ACAN: variants seen among roughly 807,000 people sequenced by gnomAD.
ACAN encodes aggrecan.
Under a neutral mutation model 169.1 loss-of-function variants are expected in ACAN, and 47 were observed. The observed-to-expected ratio is 0.28, with a 90% CI of 0.22 to 0.35. ACAN has a LOEUF of 0.35. ACAN is among the 10% of genes least tolerant of loss of function. The probability of loss-of-function intolerance (pLI) is 1.00; values close to 1 mark genes in which losing one functional copy is unlikely to be tolerated. For synonymous variants in ACAN, 1,115 were observed against 1,112.2 expected, an observed-to-expected ratio of 1.00 and a Z score of -0.05; for missense variants, 2,716 against 2,759.9, an observed-to-expected ratio of 0.98 and a Z score of 0.36.
intron 1 of ACAN, among the ~76,000 whole-genome samples, chr15:88,821,310 T>G (rs942858848): frequency 6.6e-6 from 1 of 151,960 alleles, no homozygotes; most frequent in African/African-American, 2.4e-5. Context: ...TGGTTAGTGT[T>G]GTAGAGACAG....
chr15:88,862,293 C>T (rs1302103156), intron 13 of ACAN, among the ~76,000 whole-genome samples: 1 of 151,248 alleles, frequency 6.6e-6, no homozygotes, highest in Admixed American at 6.6e-5. Context: ...TGAGATCTAC[C>T]CCCACAGATT....
At position 88,858,110 on chromosome 15, in the gene ACAN, C is replaced by T. The variant is rs763502181; in HGVS notation, c.5525C>T (p.Thr1842Ile). 18 of 1,613,722 alleles carry T rather than the reference C, an allele frequency of 1.1e-5. No individual in the cohort carries two copies. Among genetic ancestry groups the T allele is most frequent in the Non-Finnish European group, 1.4e-5 (17 of 1,179,898 alleles). The change falls in exon 12 of 19, where the codon ACT (threonine) becomes ATT (isoleucine). Residue 1842 changes from threonine to isoleucine, a missense_variant. This residue lies in a region of ACAN where 1,389 missense variants were observed against 1,363.7 expected (regional missense o/e 1.02). Transcript: ENST00000560601. This position sits in a 1 kb window ranked among gnomAD's most constrained non-coding sequence, Gnocchi z 4.0. ...ACCAGTTTGGTTGAAGTGGCCCCTACTACATTTAAAGAAGAAGAAGGCTTA... is the reference window on the plus strand; with the variant it reads ...ACCAGTTTGGTTGAAGTGGCCCCTATTACATTTAAAGAAGAAGAAGGCTTA... Reference protein sequence around the residue: ...VDTSLVEVAPTTFKEEEGLGS... With the variant: ...VDTSLVEVAPITFKEEEGLGS...
At chr15:88,834,537 G>A (rs191383149) in intron 1 of ACAN, among the ~76,000 whole-genome samples, 4 of 152,370 alleles carry the variant, frequency 2.6e-5, no homozygotes, top group Admixed American at 2.6e-4. Context: ...CTCTGATAGA[G>A]CAAAAGTCTG....
chr15:88,867,950 A>G (rs533357324), intron 13 of ACAN, among the ~76,000 whole-genome samples: 2 of 152,332 alleles, frequency 1.3e-5, no homozygotes, highest in African/African-American at 4.8e-5. Context: ...GATCTCTTCA[A>G]ACCACTGGGA....
chr15:88,849,922 T>A lies in ACAN; in HGVS notation c.2026+191T>A. On this transcript the variant is annotated intron_variant, in intron 10 of 18. Coordinates refer to ENST00000560601, the MANE Select transcript of ACAN (RefSeq NM_001369268.1). This position sits in a 1 kb window ranked among gnomAD's most constrained non-coding sequence, Gnocchi z 5.1. ...CCAAGGCAAGGTCATCCTTCTAAAG[T>A]TCCCCAGAGACAAGTAGAGATAAAT... 1.3e-6 allele frequency: 1 copy of A among 784,594 alleles called. No individual in the cohort carries two copies. The highest frequency in any genetic ancestry group is 2.2e-6 in the Non-Finnish European group (1 of 461,876). The allele number at this position is 784,594 out of a possible 1,614,324, so 48.6% of individuals were successfully genotyped here.
rs768248490 is a variant in ACAN, at chr15:88,843,348, T to C, written c.758-7T>C. The C allele has an allele frequency of 2.2e-5, 34 of 1,561,550 alleles. No individual in the cohort carries two copies. In the East Asian group the frequency reaches 7.0e-4, roughly 32 times the overall value. ...GACCCTTACCCAGCTGGCTGTGTCC[T>C]TCACAGGTGAGGTCTTTTATGCAAC... On this transcript the variant is annotated splice_polypyrimidine_tract_variant and splice_region_variant and intron_variant, in intron 5 of 18. Transcript: ENST00000560601. This position sits in a 1 kb window ranked among gnomAD's most constrained non-coding sequence, Gnocchi z 4.0.
Position 88,851,894 on chromosome 15 carries a change from G to GGCT in ACAN, c.2132_2134dup (p.Ala711dup). 6.2e-7 allele frequency: 1 copy of GGCT among 1,612,546 alleles called. No individual in the cohort carries two copies. The highest frequency in any genetic ancestry group is 8.5e-7 in the Non-Finnish European group (1 of 1,179,390). ...TCGTGACCCAAGTGGTTCCTGGTGT[G>GGCT]GCTGCTGTCCCCGTAGAAGAGGAGA... is the stretch of plus-strand genomic sequence containing the variant. On this transcript the variant is annotated inframe_insertion, in exon 11 of 19. Coordinates refer to ENST00000560601, the MANE Select transcript of ACAN (RefSeq NM_001369268.1). This position sits in a 1 kb window ranked among gnomAD's most constrained non-coding sequence, Gnocchi z 4.3.
chr15:88,851,936 A>C lies in ACAN; in HGVS notation c.2169A>C (p.Ser723=). 6.2e-7 allele frequency: 1 copy of C among 1,612,778 alleles called. No homozygotes were observed. The highest frequency in any genetic ancestry group is 8.5e-7 in the Non-Finnish European group (1 of 1,179,468). ...AAGAGGAGACAACTGCTGTACCCTC[A>C]GGGGAGACTACTGCCATCCTAGAGT... ...PVEEETTAVP[S]GETTAILEFT... Residue 723 remains serine, a synonymous_variant, in exon 11 of 19, where the codon TCA becomes TCC. Coordinates refer to ENST00000560601, the MANE Select transcript of ACAN (RefSeq NM_001369268.1). This position sits in a 1 kb window ranked among gnomAD's most constrained non-coding sequence, Gnocchi z 4.3.
intron 1 of ACAN, among the ~76,000 whole-genome samples, chr15:88,808,636 C>T (rs1895744781): frequency 1.3e-5 from 2 of 152,178 alleles, no homozygotes; most frequent in South Asian, 2.1e-4. Flanking sequence ...GAGGTGCTTG[C>T]TGCTAGCGTC....
In ACAN at chr15:88,858,467, T is replaced by A; in HGVS notation, c.5882T>A (p.Ile1961Asn). ...GAGGCAGGAGAAGGGCCTTCTGGCA[T>A]TTTAGAACTCAGTGGTGCTCATTCT... ...AQEAGEGPSG[I>N]LELSGAHSGA... The change falls in exon 12 of 19, where the codon ATT becomes AAT. Residue 1961 changes from isoleucine (I) to asparagine (N), a missense_variant. This residue lies in a region of ACAN where 1,389 missense variants were observed against 1,363.7 expected (regional missense o/e 1.02). Coordinates refer to ENST00000560601, the MANE Select transcript of ACAN (RefSeq NM_001369268.1). The surrounding 1 kb of genome is among the most constrained non-coding windows in gnomAD (Gnocchi z 4.0). 3 of 1,613,698 alleles carry A rather than the reference T, an allele frequency of 1.9e-6. No individual in the cohort carries two copies. The highest frequency in any genetic ancestry group is 2.5e-6 in the Non-Finnish European group (3 of 1,179,874).
chr15:88,858,294 G>A lies in ACAN; in HGVS notation c.5709G>A (p.Glu1903=), dbSNP rs1596147317. Residue 1903 remains glutamate, a synonymous_variant, in exon 12 of 19, where the codon GAG becomes GAA. Transcript: ENST00000560601. The surrounding 1 kb of genome is among the most constrained non-coding windows in gnomAD (Gnocchi z 4.0). ...EFSGLPSGIA[E]VSGESSRAEI... ...GTGGCCTACCAAGTGGCATAGCTGA[G>A]GTCAGTGGAGAATCCTCCAGAGCTG... 1 of 1,613,950 alleles carries A rather than the reference G, an allele frequency of 6.2e-7. No homozygotes were observed. Among genetic ancestry groups the A allele is most frequent in the Non-Finnish European group, 8.5e-7 (1 of 1,179,894 alleles).
intron 1 of ACAN, among the ~76,000 whole-genome samples, chr15:88,806,050 T>A (rs1895673671): frequency 6.6e-6 from 1 of 152,208 alleles, no homozygotes; most frequent in Non-Finnish European, 1.5e-5. Flanking sequence ...AAGACTGGGA[T>A]TCAAATTCCA....
rs1440554788 is a variant in ACAN at position 88,814,199 on chromosome 15, A to T, written c.-8+10390A>T. Among the ~76,000 whole-genome samples, 4 of 152,172 alleles carry T rather than the reference A, an allele frequency of 2.6e-5. No individual in the cohort carries two copies. Among genetic ancestry groups the T allele is most frequent in the Non-Finnish European group, 5.9e-5 (4 of 68,034 alleles). ...TTTCCTCATCTGTGAATTGGGTATAATGACTCCTTCCCGATAGATTTGTTG... is the reference window on the plus strand; with the variant it reads ...TTTCCTCATCTGTGAATTGGGTATATTGACTCCTTCCCGATAGATTTGTTG... On this transcript the variant is annotated intron_variant, in intron 1 of 18. Coordinates refer to ENST00000560601, the MANE Select transcript of ACAN (RefSeq NM_001369268.1). The surrounding 1 kb of genome is among the most constrained non-coding windows in gnomAD (Gnocchi z 4.0).
chr15:88,820,419 C>A (rs1896047237), intron 1 of ACAN, among the ~76,000 whole-genome samples: 1 of 152,136 alleles, frequency 6.6e-6, no homozygotes, highest in African/African-American at 2.4e-5. Flanking sequence ...TCCTTGAAAC[C>A]CTGAGAGCCT....
In ACAN at chr15:88,869,140, T is replaced by C. The variant is rs1475240950; in HGVS notation, c.7060+811T>C. Among the ~76,000 whole-genome samples, 4 of 152,116 alleles carry C rather than the reference T, an allele frequency of 2.6e-5. No individual in the cohort carries two copies. The highest frequency in any genetic ancestry group is 2.6e-4 in the Admixed American group (4 of 15,268). ...CAGCTCTCTCACCTTTGGTGCTTCC[T>C]AGTCTCCCCACCAGCCGCCTGGATC... is the stretch of plus-strand genomic sequence containing the variant. On this transcript the variant is annotated intron_variant, in intron 14 of 18. Transcript: ENST00000560601. This position sits in a 1 kb window ranked among gnomAD's most constrained non-coding sequence, Gnocchi z 4.2.
At position 88,859,104 on chromosome 15, in the gene ACAN, C is replaced by T; in HGVS notation, c.6519C>T (p.Thr2173=). ...AAPEVSGEST[T]TSDVGTEAPG... ...CAGAAGTGAGTGGAGAATCCACCACCACCAGTGATGTGGGGACAGAGGCAC... is the reference window on the plus strand; with the variant it reads ...CAGAAGTGAGTGGAGAATCCACCACTACCAGTGATGTGGGGACAGAGGCAC... Residue 2173 remains threonine (T), a synonymous_variant, in exon 12 of 19, where the codon ACC becomes ACT. Transcript: ENST00000560601. 1 of 1,613,868 alleles carries T rather than the reference C, an allele frequency of 6.2e-7. No individual in the cohort carries two copies. The highest frequency in any genetic ancestry group is 8.5e-7 in the Non-Finnish European group (1 of 1,179,900).
At chr15:88,831,391 C>T (rs185816071) in intron 1 of ACAN, among the ~76,000 whole-genome samples, 1 of 152,236 alleles carries the variant, frequency 6.6e-6, no homozygotes, top group Non-Finnish European at 1.5e-5. Context: ...AAGGGGTCTA[C>T]CTCATTTGGC....
intron 1 of ACAN, among the ~76,000 whole-genome samples, chr15:88,834,061 G>A (rs961265235): frequency 5.3e-5 from 8 of 152,116 alleles, no homozygotes; most frequent in South Asian, 2.1e-4. Context: ...GCCGCAACTC[G>A]TCACATGGGG....
chr15:88,832,106 T>TTTG lies in ACAN; in HGVS notation c.-7-4094_-7-4093insTTG, dbSNP rs535715132. Among the ~76,000 whole-genome samples, 397 of 152,088 alleles carry TTTG rather than the reference T, an allele frequency of 2.6e-3. 6 individuals are homozygous for TTTG. The South Asian group carries it at 0.047, about 18-fold the overall frequency. On this transcript the variant is annotated intron_variant, in intron 1 of 18. Coordinates refer to ENST00000560601, the MANE Select transcript of ACAN (RefSeq NM_001369268.1). ...CTTGTGATGGAATGAGCACCTAACA[T>TTTG]GCAATCAGAGGCCAAAGACCACCTG...
Sources: gnomAD v4.1 joint callset for allele counts (sites outside exome capture counted in the v4.1 genomes callset) on GRCh38, gnomAD v4.1.1 for gene constraint, gnomAD v4.1.1 regional missense constraint, Gnocchi (gnomAD v3.1) non-coding constraint, MANE v1.5 for transcripts, NCBI Gene and HGNC (gene_info 2026-07-23, HGNC 2026-07-21) for gene names.